The following FBXW10 variants were observed in gnomAD, a reference collection of about 807,000 sequenced individuals.
The protein encoded by FBXW10 is F-box/WD repeat-containing protein 10.
FBXW10 carries 68 observed loss-of-function variants against 113.1 expected under a neutral mutation model. The observed-to-expected ratio is 0.60, with a 90% confidence interval of 0.49 to 0.74. The LOEUF (loss-of-function observed/expected upper bound fraction) is 0.74, where lower values mean the gene tolerates loss of function less well. Ranked by LOEUF, FBXW10 falls within the 30% of genes least tolerant of loss-of-function variation. FBXW10 has a pLI of 0.00. For missense variants in FBXW10, 753 were observed against 1,284.5 expected, an observed-to-expected ratio of 0.59 and a Z score of 6.32; for synonymous variants, 289 against 481.6, an observed-to-expected ratio of 0.60 and a Z score of 5.24.
At chr17:18,753,212 A>G (rs1365314822) in intron 5 of FBXW10, among the ~76,000 whole-genome samples, 1 of 152,214 alleles carries the variant, frequency 6.6e-6, no homozygotes, top group Non-Finnish European at 1.5e-5. Context: ...GGTAACTACC[A>G]AACTTCACCC....
At position 18,767,006 on chromosome 17, in the gene FBXW10, C is replaced by T. The variant is rs543484433; in HGVS notation, c.1704+144C>T. Reference sequence around the variant, plus strand: ...GTCCTGAAGCTCTAAAGGGGAAGGCCCCAAAGTGAGGCATTCAGAGTCTGT... The same window carrying T: ...GTCCTGAAGCTCTAAAGGGGAAGGCTCCAAAGTGAGGCATTCAGAGTCTGT... On this transcript the variant is annotated intron_variant, in intron 9 of 13. Transcript: ENST00000395665. 6.4e-6 allele frequency: 7 copies of T among 1,097,558 alleles called. No homozygotes were observed. In the East Asian group the frequency reaches 1.2e-4, roughly 19 times the overall value. The allele number at this position is 1,097,558 out of a possible 1,614,324, so 68.0% of individuals were successfully genotyped here. A position where few individuals can be genotyped will look rare whatever the true frequency, so the allele number is the denominator to read the frequency against.
chr17:18,744,542 A>G lies in FBXW10; in HGVS notation c.298A>G (p.Lys100Glu), dbSNP rs1254381861. 1.2e-6 allele frequency: 2 copies of G among 1,614,000 alleles called. No homozygotes were observed. Among genetic ancestry groups the G allele is most frequent in the Non-Finnish European group, 1.7e-6 (2 of 1,179,876 alleles). The change falls in exon 1 of 14, where the codon AAA becomes GAA. Residue 100 changes from lysine (K) to glutamate (E), a missense_variant. Transcript: ENST00000395665. ...SRINLSKKEG[K>E]VVKSSLNQML... Reference sequence around the variant, plus strand: ...GATCAACCTCAGCAAGAAAGAGGGGAAAGTTGTGAAGTCCTCCTTGAACCA... The same window carrying G: ...GATCAACCTCAGCAAGAAAGAGGGGGAAGTTGTGAAGTCCTCCTTGAACCA...
intron 6 of FBXW10, among the ~76,000 whole-genome samples, chr17:18,757,085 TAC>T (rs1049320750): frequency 6.6e-6 from 1 of 152,194 alleles, no homozygotes; most frequent in Non-Finnish European, 1.5e-5. Context: ...CATATATATA[TAC>T]ACATATACAC....
intron 7 of FBXW10, among the ~76,000 whole-genome samples, chr17:18,762,652 A>G (rs890344795): frequency 1.8e-4 from 28 of 152,060 alleles, no homozygotes; most frequent in Admixed American, 9.2e-4. Context: ...TCTAATGCCT[A>G]TACCACCTTT....
Position 18,744,542 on chromosome 17 carries a change from A to C in FBXW10, c.298A>C (p.Lys100Gln). Reference protein sequence around the residue: ...SRINLSKKEGKVVKSSLNQML... With the variant: ...SRINLSKKEGQVVKSSLNQML... ...GATCAACCTCAGCAAGAAAGAGGGG[A>C]AAGTTGTGAAGTCCTCCTTGAACCA... The change falls in exon 1 of 14, where the codon AAA (lysine) becomes CAA (glutamine). Residue 100 changes from lysine (K) to glutamine (Q), a missense_variant. Transcript: ENST00000395665. 6.2e-7 allele frequency: 1 copy of C among 1,614,000 alleles called. No homozygotes were observed. Among genetic ancestry groups the C allele is most frequent in the Non-Finnish European group, 8.5e-7 (1 of 1,179,876 alleles).
chr17:18,767,012 G>C, intron 9 of FBXW10, 150 bp downstream of exon 9: 1 of 1,077,104 alleles, frequency 9.3e-7, no homozygotes, highest in Non-Finnish European at 1.3e-6. Context: ...AGGCCCCAAA[G>C]TGAGGCATTC....
chr17:18,751,058 GT>G lies in FBXW10; in HGVS notation c.1122+7del. 6.2e-7 allele frequency: 1 copy of G among 1,613,856 alleles called. No individual in the cohort carries two copies. The highest frequency in any genetic ancestry group is 2.2e-5 in the East Asian group (1 of 44,868). On this transcript the variant is annotated splice_donor_region_variant and intron_variant, in intron 5 of 13. Transcript: ENST00000395665. ...AAGTGGAAGCTGAGAACGAAGGTGGGTTCCAACAGCATCTGGGGCAAGTAGC... is the reference window on the plus strand; with the variant it reads ...AAGTGGAAGCTGAGAACGAAGGTGGGTCCAACAGCATCTGGGGCAAGTAGC...
intron 12 of FBXW10, among the ~76,000 whole-genome samples, chr17:18,774,016 G>A (rs4244595): frequency 0.52 from 79,021 of 151,666 alleles, 21,229 homozygotes; most frequent in Non-Finnish European, 0.56. Flanking sequence ...AGACTAGATC[G>A]GCTACTATTG....
intron 7 of FBXW10, among the ~76,000 whole-genome samples, chr17:18,762,020 T>G (rs995722555): frequency 2.0e-5 from 3 of 152,002 alleles, no homozygotes; most frequent in African/African-American, 7.2e-5. Context: ...TAGAGTGCAG[T>G]AGTGCGATCT....
chr17:18,757,963 C>T (rs12603304), intron 6 of FBXW10, among the ~76,000 whole-genome samples: 54,377 of 138,410 alleles, frequency 0.39, 9,615 homozygotes, highest in East Asian at 0.66. Flanking sequence ...GTTCCTCTGA[C>T]GTTTTCCAAG....
At chr17:18,758,014 C>T (rs12603319) in intron 6 of FBXW10, among the ~76,000 whole-genome samples, 24,775 of 152,188 alleles carry the variant, frequency 0.16, 2,456 homozygotes, top group Non-Finnish European at 0.23. Flanking sequence ...GGCAATGCCA[C>T]ATACTCCATT....
At chr17:18,766,965 A>G (rs4611519) in intron 9 of FBXW10, 103 bp downstream of exon 9, 431,754 of 998,244 alleles carry the variant, frequency 0.43, 100,366 homozygotes, top group Middle Eastern at 0.46. Flanking sequence ...ACTGAGTATG[A>G]CCTTCAAGAA....
chr17:18,772,404 G>A lies in FBXW10; in HGVS notation c.2007-8G>A, dbSNP rs755767902. 9 of 1,611,478 alleles carry A rather than the reference G, an allele frequency of 5.6e-6. No homozygotes were observed. Among genetic ancestry groups the A allele is most frequent in the South Asian group, 2.2e-5 (2 of 90,738 alleles). ...CTTTTGTGGACAACCCTGTTGTTTCGGTTCCAGGATGGTGGTCAACACAGA... is the reference window on the plus strand; with the variant it reads ...CTTTTGTGGACAACCCTGTTGTTTCAGTTCCAGGATGGTGGTCAACACAGA... On this transcript the variant is annotated splice_polypyrimidine_tract_variant and splice_region_variant and intron_variant, in intron 11 of 13. Transcript: ENST00000395665.
intron 2 of FBXW10, among the ~76,000 whole-genome samples, chr17:18,749,518 A>C (rs1597588088): frequency 1.3e-5 from 2 of 151,356 alleles, no homozygotes; most frequent in Admixed American, 1.3e-4. Context: ...CTACACTCCA[A>C]CCTGGGCGAC....
At chr17:18,748,408 CAAAAAAA>C (rs57336039) in intron 2 of FBXW10, among the ~76,000 whole-genome samples, 3 of 51,412 alleles carry the variant, frequency 5.8e-5, no homozygotes, top group Non-Finnish European at 3.9e-5. Context: ...GAGACTGTCT[CAAAAAAA>C]AAAAAAAAAA....
intron 11 of FBXW10, 89 bp from the exon 12 acceptor site, chr17:18,772,323 T>A (rs2035630334): frequency 7.9e-7 from 1 of 1,272,528 alleles, no homozygotes; most frequent in African/African-American, 1.5e-5. Flanking sequence ...GTTCCTTTAG[T>A]CTAAAGACCA....
intron 10 of FBXW10, chr17:18,769,691 C>T (rs371967944): frequency 2.3e-5 from 11 of 478,972 alleles, no homozygotes; most frequent in African/African-American, 7.9e-5. Context: ...ACAGGAGAAT[C>T]GCTTGTATCT....
intron 9 of FBXW10, among the ~76,000 whole-genome samples, 187 bp from the exon 10 acceptor site, chr17:18,768,347 T>G (rs2035543020): frequency 6.6e-6 from 1 of 152,136 alleles, no homozygotes; most frequent in Non-Finnish European, 1.5e-5. Context: ...ATTACAGGCA[T>G]GAGCCACCGC....
intron 9 of FBXW10, among the ~76,000 whole-genome samples, chr17:18,768,193 G>A (rs193284533): frequency 2.7e-4 from 41 of 151,974 alleles, no homozygotes; most frequent in Admixed American, 2.0e-3. Context: ...TCAGCCACCC[G>A]AGTGGCTGGG....
Sources: allele counts gnomAD v4.1 joint callset (sites outside exome capture counted in the v4.1 genomes callset), GRCh38; gene constraint gnomAD v4.1.1; transcripts MANE v1.5; gene names NCBI Gene and HGNC (gene_info 2026-07-23, HGNC 2026-07-21).